COL4A2: variants seen among roughly 807,000 people sequenced by gnomAD.
The protein encoded by COL4A2 is collagen alpha-2(IV) chain.
In COL4A2, 99 loss-of-function variants were observed where a neutral mutation model predicts 200.2. The ratio of observed to expected loss-of-function variants is 0.49; its 90% confidence interval spans 0.42 to 0.58. The LOEUF (loss-of-function observed/expected upper bound fraction) is 0.58. Among genes scored for constraint, COL4A2 ranks in the 20% least tolerant of loss-of-function variants. The pLI is 0.00. For missense variants in COL4A2, 1,950 were observed against 2,314.1 expected, an observed-to-expected ratio of 0.84 and a Z score of 3.23; for synonymous variants, 897 against 900.6, an observed-to-expected ratio of 1.00 and a Z score of 0.07.
Position 110,495,424 on chromosome 13 carries a change from C to T in COL4A2, c.3717C>T (p.Gly1239=), listed in dbSNP as rs1883426089. The change falls in exon 40 of 48, where the codon GGC becomes GGT. Residue 1239 remains glycine, a synonymous_variant. Transcript: ENST00000360467. ...CAGGAGAGGCCAACACCCTTCCAGG[C>T]CCTGTGGGAGTCCCAGGACAGAAAG... ...GDPGEANTLP[G]PVGVPGQKGD... is the part of the protein sequence containing the mutation. 6 of 1,613,874 alleles carry T rather than the reference C, an allele frequency of 3.7e-6. No homozygotes were observed. Among genetic ancestry groups the T allele is most frequent in the Non-Finnish European group, 5.1e-6 (6 of 1,179,976 alleles).
intron 4 of COL4A2, among the ~76,000 whole-genome samples, chr13:110,370,086 A>G (rs2139400660): frequency 6.6e-6 from 1 of 152,080 alleles, no homozygotes; most frequent in Non-Finnish European, 1.5e-5. Context: ...GTGAAGTGAA[A>G]TGATTTCCCC....
intron 3 of COL4A2, among the ~76,000 whole-genome samples, chr13:110,322,620 A>C (rs929913595): frequency 6.6e-5 from 10 of 152,194 alleles, no homozygotes; most frequent in Admixed American, 4.6e-4. Context: ...CCATGGCTTC[A>C]CCAAACTGAC....
At chr13:110,434,983 G>A (rs1224725815) in intron 12 of COL4A2, among the ~76,000 whole-genome samples, 4 of 152,166 alleles carry the variant, frequency 2.6e-5, no homozygotes, top group East Asian at 1.9e-4. Flanking sequence ...GCCACACCCC[G>A]CAAGCAAAAC....
chr13:110,441,541 C>G lies in COL4A2; in HGVS notation c.957+1708C>G, dbSNP rs964310068. ...GCCTTTCATAACATCAGTTACTGAT[C>G]GGAGTACTCCCAAAGGCGGCACACC... is the stretch of plus-strand genomic sequence containing the variant. On this transcript the variant is annotated intron_variant, in intron 16 of 47. Transcript: ENST00000360467. 1.1e-4 allele frequency among the ~76,000 whole-genome samples: 17 copies of G among 152,294 alleles called. No homozygotes were observed. In the South Asian group the frequency reaches 1.7e-3, roughly 15 times the overall value.
chr13:110,511,809 G>A, intron 47 of COL4A2, 125 bp from the exon 48 acceptor site: 10 of 1,478,540 alleles, frequency 6.8e-6, no homozygotes, highest in South Asian at 1.2e-5. Context: ...GATGCCTCAT[G>A]TCCGTATTGA....
At chr13:110,425,127 C>G (rs114913603) in intron 6 of COL4A2, 130 bp downstream of exon 6, 15 of 1,017,588 alleles carry the variant, frequency 1.5e-5, no homozygotes, top group Admixed American at 1.1e-4. Context: ...GGGGACTATA[C>G]GTGCGTATTC....
chr13:110,472,201 C>T (rs929522984), intron 28 of COL4A2, among the ~76,000 whole-genome samples: 105 of 150,908 alleles, frequency 7.0e-4, no homozygotes, highest in African/African-American at 2.5e-3. Flanking sequence ...CTGCAAGCTC[C>T]GCCTCCCGGG....
intron 16 of COL4A2, among the ~76,000 whole-genome samples, chr13:110,441,216 G>A (rs373258414): frequency 4.6e-5 from 7 of 152,116 alleles, no homozygotes; most frequent in African/African-American, 1.7e-4. Context: ...AGAGTAGTGT[G>A]GCGTCTGGAG....
chr13:110,427,911 T>A (rs1324236437), intron 6 of COL4A2, among the ~76,000 whole-genome samples: 1 of 152,214 alleles, frequency 6.6e-6, no homozygotes, highest in Non-Finnish European at 1.5e-5. Flanking sequence ...ATTGATAAAA[T>A]CACGTTGCGG....
At chr13:110,332,906 T>C (rs1304080073) in intron 3 of COL4A2, among the ~76,000 whole-genome samples, 1 of 152,236 alleles carries the variant, frequency 6.6e-6, no homozygotes, top group Non-Finnish European at 1.5e-5. Context: ...CACGGTGCTA[T>C]TTCCAGAAGC....
intron 4 of COL4A2, 93 bp from the exon 5 acceptor site, chr13:110,424,641 A>AACAAC: frequency 2.2e-6 from 1 of 457,918 alleles, no homozygotes. Flanking sequence ...CTTTAAAAAC[A>AACAAC]AAAAAAAAAA....
chr13:110,412,784 C>T (rs1275571252), intron 4 of COL4A2, among the ~76,000 whole-genome samples: 1 of 152,200 alleles, frequency 6.6e-6, no homozygotes, highest in African/African-American at 2.4e-5. Flanking sequence ...GAGCCCTTGC[C>T]TCATTTTCTA....
chr13:110,420,258 C>T (rs1029101296), intron 4 of COL4A2, among the ~76,000 whole-genome samples: 11 of 152,206 alleles, frequency 7.2e-5, no homozygotes, highest in African/African-American at 1.7e-4. Context: ...CACTGGAGTT[C>T]GTGTCACTAC....
chr13:110,503,008 A>C, intron 41 of COL4A2, 113 bp from the exon 42 acceptor site: 1 of 941,636 alleles, frequency 1.1e-6, no homozygotes, highest in East Asian at 2.4e-5. Flanking sequence ...AAGTCATTCC[A>C]TGCCACAGAC....
chr13:110,399,376 C>T (rs958047422), intron 4 of COL4A2, among the ~76,000 whole-genome samples: 16 of 152,190 alleles, frequency 1.1e-4, no homozygotes, highest in Admixed American at 5.2e-4. Flanking sequence ...GTGACATATT[C>T]ATGCTGGCAT....
chr13:110,311,382 G>C (rs997019597), intron 3 of COL4A2, among the ~76,000 whole-genome samples: 1 of 152,204 alleles, frequency 6.6e-6, no homozygotes, highest in Non-Finnish European at 1.5e-5. Context: ...GTGTAAGGCA[G>C]TGTGACACAG....
Position 110,503,845 on chromosome 13 carries a change from A to G in COL4A2, c.4139-2A>G, listed in dbSNP as rs1279046874. On this transcript the variant is annotated splice_acceptor_variant, in intron 43 of 47. Coordinates refer to ENST00000360467, the MANE Select transcript of COL4A2 (RefSeq NM_001846.4). LOFTEE classifies it high-confidence loss of function. ...ACTGGGGCCTCTCTGTTTCCCTTCC[A>G]GGTGCCCCCGGGACTGTGGGAGCCC... The G allele has an allele frequency of 6.2e-7, 1 of 1,613,878 alleles. No homozygotes were observed. Among genetic ancestry groups the G allele is most frequent in the Non-Finnish European group, 8.5e-7 (1 of 1,179,858 alleles).
chr13:110,468,923 G>T lies in COL4A2; in HGVS notation c.2096-294G>T, dbSNP rs1024037172. ...TTGTCCACGGTCACACAGATAGAATGGTAGGGCCAAAATTTATAGCCAAGC... is the reference window on the plus strand; with the variant it reads ...TTGTCCACGGTCACACAGATAGAATTGTAGGGCCAAAATTTATAGCCAAGC... On this transcript the variant is annotated intron_variant, in intron 27 of 47. Transcript: ENST00000360467. Among the ~76,000 whole-genome samples, 15 of 152,148 alleles carry T rather than the reference G, an allele frequency of 9.9e-5. 1 individual carries two copies. Among genetic ancestry groups the T allele is most frequent in the Non-Finnish European group, 2.9e-5 (2 of 68,034 alleles).
chr13:110,389,927 C>T (rs1465617387), intron 4 of COL4A2, among the ~76,000 whole-genome samples: 1 of 152,018 alleles, frequency 6.6e-6, no homozygotes, highest in African/African-American at 2.4e-5. Flanking sequence ...CTTTTACTCC[C>T]TTCTCAAAAA....
Sources: gnomAD v4.1 joint callset for allele counts (sites outside exome capture counted in the v4.1 genomes callset) on GRCh38, gnomAD v4.1.1 for gene constraint, MANE v1.5 for transcripts, NCBI Gene and HGNC (gene_info 2026-07-23, HGNC 2026-07-21) for gene names.